The following SPOCK3 variants were observed in gnomAD, a reference collection of about 807,000 sequenced individuals.
The protein encoded by SPOCK3 is SPARC (osteonectin), cwcv and kazal like domains proteoglycan 3.
A neutral mutation model predicts 56.6 loss-of-function variants in SPOCK3; 30 were observed. The ratio of observed to expected loss-of-function variants is 0.53; its 90% confidence interval spans 0.40 to 0.72. The LOEUF (loss-of-function observed/expected upper bound fraction) is 0.72. Among genes scored for constraint, SPOCK3 ranks in the 30% least tolerant of loss-of-function variants. The probability of loss-of-function intolerance (pLI) is 0.00; values close to 1 mark genes in which losing one functional copy is unlikely to be tolerated. For missense variants in SPOCK3, 527 were observed against 530.0 expected, an observed-to-expected ratio of 0.99 and a Z score of 0.06; for synonymous variants, 196 against 183.3, an observed-to-expected ratio of 1.07 and a Z score of -0.56.
At chr4:167,165,284 A>G (rs1765659446) in intron 2 of SPOCK3, among the ~76,000 whole-genome samples, 1 of 152,090 alleles carries the variant, frequency 6.6e-6, no homozygotes, top group Admixed American at 6.6e-5. Flanking sequence ...AACCTACAGA[A>G]TGGGAGAAAA....
At chr4:167,146,346 C>T (rs1001069478) in intron 2 of SPOCK3, among the ~76,000 whole-genome samples, 9 of 151,998 alleles carry the variant, frequency 5.9e-5, no homozygotes, top group African/African-American at 2.2e-4. Flanking sequence ...ACTTAGACTC[C>T]CACACAAGAA....
intron 6 of SPOCK3, among the ~76,000 whole-genome samples, chr4:166,856,988 G>A (rs1730754962): frequency 6.6e-6 from 1 of 152,062 alleles, no homozygotes; most frequent in Non-Finnish European, 1.5e-5. Context: ...GCCATGCCTG[G>A]ATTCCTACAT....
At chr4:167,045,170 T>G (rs879104827) in intron 3 of SPOCK3, among the ~76,000 whole-genome samples, 2 of 152,166 alleles carry the variant, frequency 1.3e-5, no homozygotes, top group Admixed American at 1.3e-4. Flanking sequence ...TAATTGTCTT[T>G]GTTCTCATGT....
chr4:166,986,615 G>A (rs549540791), intron 4 of SPOCK3, among the ~76,000 whole-genome samples: 114 of 152,140 alleles, frequency 7.5e-4, no homozygotes, highest in African/African-American at 2.6e-3. Flanking sequence ...ACAAAAGCAG[G>A]CTCACAATTT....
rs546020822 is a variant in SPOCK3, at chr4:166,820,491, AT to A, written c.590-28203del. On this transcript the variant is annotated intron_variant, in intron 6 of 10. Coordinates refer to ENST00000357545, the MANE Select transcript of SPOCK3 (RefSeq NM_001040159.2). ...AGCTGTTAAGATTTATGGTCAATTG[AT>A]TTTTTTTTTACAAAGATGCCAACTC... is the stretch of plus-strand genomic sequence containing the variant. 5.2e-3 allele frequency among the ~76,000 whole-genome samples: 787 copies of A among 150,012 alleles called. 3 individuals carry two copies. The highest frequency in any genetic ancestry group is 6.5e-3 in the Non-Finnish European group (437 of 67,314).
intron 6 of SPOCK3, among the ~76,000 whole-genome samples, chr4:166,851,393 C>A (rs1226807065): frequency 6.6e-6 from 1 of 152,190 alleles, no homozygotes; most frequent in Non-Finnish European, 1.5e-5. Flanking sequence ...AAACTGGAAA[C>A]TCTAAAAAGC....
chr4:167,010,940 A>T (rs1749980307), intron 3 of SPOCK3, among the ~76,000 whole-genome samples: 1 of 152,174 alleles, frequency 6.6e-6, no homozygotes, highest in Non-Finnish European at 1.5e-5. Context: ...GGAGCAAATT[A>T]TTATATAGTT....
chr4:167,224,672 T>C (rs934546162), intron 2 of SPOCK3, among the ~76,000 whole-genome samples: 1 of 152,230 alleles, frequency 6.6e-6, no homozygotes, highest in African/African-American at 2.4e-5. Context: ...CTTTGTTGTT[T>C]TTTTTTAAGA....
intron 4 of SPOCK3, among the ~76,000 whole-genome samples, chr4:166,991,905 C>A (rs1373190186): frequency 6.6e-6 from 1 of 152,094 alleles, no homozygotes; most frequent in Non-Finnish European, 1.5e-5. Flanking sequence ...AATATTCACA[C>A]ACGTGTATAT....
intron 2 of SPOCK3, among the ~76,000 whole-genome samples, chr4:167,111,271 T>C (rs192253954): frequency 7.2e-5 from 11 of 152,112 alleles, no homozygotes; most frequent in Admixed American, 4.6e-4. Flanking sequence ...ATCATTAAGA[T>C]AGATAACAAA....
intron 6 of SPOCK3, among the ~76,000 whole-genome samples, chr4:166,874,028 T>G (rs1270658105): frequency 6.6e-6 from 1 of 152,158 alleles, no homozygotes; most frequent in Non-Finnish European, 1.5e-5. Context: ...TGAAGATGCA[T>G]GTATAGCAAA....
intron 2 of SPOCK3, among the ~76,000 whole-genome samples, chr4:167,155,259 G>C (rs1199690683): frequency 5.3e-5 from 8 of 151,910 alleles, no homozygotes; most frequent in Non-Finnish European, 1.0e-4. Flanking sequence ...GGGATTACAG[G>C]CACTCCGCCA....
intron 6 of SPOCK3, among the ~76,000 whole-genome samples, chr4:166,792,572 C>A (rs1016424666): frequency 6.6e-6 from 1 of 151,942 alleles, no homozygotes; most frequent in Non-Finnish European, 1.5e-5. Flanking sequence ...AAAATTGAGT[C>A]ATAATATTTA....
At chr4:167,125,913 T>C (rs999224276) in intron 2 of SPOCK3, among the ~76,000 whole-genome samples, 1 of 152,054 alleles carries the variant, frequency 6.6e-6, no homozygotes, top group African/African-American at 2.4e-5. Flanking sequence ...CGATTTACAG[T>C]TGCAAGGAAG....
chr4:166,746,012 A>G (rs1735561552), intron 8 of SPOCK3, among the ~76,000 whole-genome samples: 1 of 152,140 alleles, frequency 6.6e-6, no homozygotes, highest in African/African-American at 2.4e-5. Context: ...CTACAAAGAG[A>G]CTTAGACTCC....
intron 3 of SPOCK3, among the ~76,000 whole-genome samples, chr4:167,033,392 C>CATCATT (rs1752453186): frequency 6.8e-6 from 1 of 146,554 alleles, no homozygotes; most frequent in African/African-American, 2.5e-5. Context: ...AGCAATTATT[C>CATCATT]ATTATTATTA....
At chr4:167,050,739 T>A (rs570683924) in intron 3 of SPOCK3, among the ~76,000 whole-genome samples, 1 of 152,144 alleles carries the variant, frequency 6.6e-6, no homozygotes, top group Non-Finnish European at 1.5e-5. Flanking sequence ...TTCTGACACA[T>A]GCTACAACAT....
intron 4 of SPOCK3, among the ~76,000 whole-genome samples, chr4:166,939,775 T>A (rs1396869522): frequency 6.6e-6 from 1 of 152,158 alleles, no homozygotes; most frequent in African/African-American, 2.4e-5. Flanking sequence ...AAATAATAAA[T>A]CACATTATCT....
At chr4:166,815,497 T>A (rs1373153373) in intron 6 of SPOCK3, among the ~76,000 whole-genome samples, 1 of 152,088 alleles carries the variant, frequency 6.6e-6, no homozygotes, top group East Asian at 1.9e-4. Flanking sequence ...ATTTTTAGGA[T>A]TTAACACATG....
Sources: gnomAD v4.1 joint callset for allele counts (sites outside exome capture counted in the v4.1 genomes callset) on GRCh38, gnomAD v4.1.1 for gene constraint, MANE v1.5 for transcripts, NCBI Gene and HGNC (gene_info 2026-07-23, HGNC 2026-07-21) for gene names.